SLC35F4: variants seen among roughly 807,000 people sequenced by gnomAD.
SLC35F4 encodes the protein solute carrier family 35 member F4.
In SLC35F4, 24 loss-of-function variants were observed where a neutral mutation model predicts 44.2. That is an observed-to-expected ratio of 0.54 (90% CI 0.39 to 0.76). The LOEUF (loss-of-function observed/expected upper bound fraction) is 0.76, where lower values mean the gene tolerates loss of function less well. Ranked by LOEUF, SLC35F4 falls within the 30% of genes least tolerant of loss-of-function variation. The probability of loss-of-function intolerance (pLI) is 0.00; values close to 1 mark genes in which losing one functional copy is unlikely to be tolerated. For synonymous variants in SLC35F4, 238 were observed against 223.6 expected (o/e 1.06, Z -0.57); for missense variants, 562 against 586.1 (o/e 0.96, Z 0.42).
intron 1 of SLC35F4, among the ~76,000 whole-genome samples, chr14:57,671,648 T>A (rs2140274129): frequency 6.6e-6 from 1 of 151,876 alleles, no homozygotes; most frequent in Admixed American, 6.6e-5. Flanking sequence ...TGAGACTCAG[T>A]ACATAACCAG....
At chr14:57,723,331 G>A (rs886199190) in intron 1 of SLC35F4, among the ~76,000 whole-genome samples, 1 of 152,222 alleles carries the variant, frequency 6.6e-6, no homozygotes, top group East Asian at 1.9e-4. Context: ...AATTAGAGCT[G>A]CCTCTACCTA....
chr14:57,875,823 T>C (rs1000121074), intron 1 of SLC35F4, among the ~76,000 whole-genome samples: 3 of 152,200 alleles, frequency 2.0e-5, no homozygotes, highest in Non-Finnish European at 2.9e-5. Context: ...CAAACAATTG[T>C]GGCCATTCTT....
chr14:57,727,249 A>G (rs1092027), intron 1 of SLC35F4, among the ~76,000 whole-genome samples: 140,855 of 151,912 alleles, frequency 0.93, 65,778 homozygotes, highest in Non-Finnish European at 1. Context: ...AATTTCTGTG[A>G]TATAAGTTGT....
chr14:57,899,595 C>A (rs190773572), intron 1 of SLC35F4, among the ~76,000 whole-genome samples: 1 of 152,246 alleles, frequency 6.6e-6, no homozygotes, highest in Admixed American at 6.5e-5. Context: ...CTGGATTAAG[C>A]GAAAAGAATG....
At chr14:57,615,321 G>A (rs1253828624) in intron 1 of SLC35F4, among the ~76,000 whole-genome samples, 2 of 151,254 alleles carry the variant, frequency 1.3e-5, no homozygotes, top group African/African-American at 4.9e-5. Flanking sequence ...AGATCTAAGT[G>A]AGAATCCCTG....
chr14:57,777,376 C>T (rs563130494), intron 1 of SLC35F4, among the ~76,000 whole-genome samples: 42 of 152,240 alleles, frequency 2.8e-4, no homozygotes, highest in African/African-American at 1.0e-3. Flanking sequence ...TGGAACCAAC[C>T]CAAATGTCCA....
At chr14:57,866,994 AATAATAATT>A (rs1336936806), upstream of SLC35F4, among the ~76,000 whole-genome samples, 14 of 138,564 alleles carry the variant, frequency 1.0e-4, no homozygotes, top group Non-Finnish European at 1.8e-4. Flanking sequence ...TAATAATAAT[AATAATAATT>A]TTCAAAGTTT....
At chr14:57,726,533 T>G (rs976574656) in intron 1 of SLC35F4, among the ~76,000 whole-genome samples, 2 of 152,364 alleles carry the variant, frequency 1.3e-5, no homozygotes, top group Non-Finnish European at 2.9e-5. Flanking sequence ...GACGTAAGAT[T>G]TATTGACTTC....
intron 1 of SLC35F4, among the ~76,000 whole-genome samples, chr14:57,729,612 A>C (rs1092023): frequency 0.94 from 142,888 of 152,180 alleles, 67,476 homozygotes; most frequent in Non-Finnish European, 1. Flanking sequence ...ATCCAAGGGG[A>C]AAGACAAAGT....
At chr14:57,662,446 C>T (rs1008598182) in intron 1 of SLC35F4, among the ~76,000 whole-genome samples, 1 of 152,250 alleles carries the variant, frequency 6.6e-6, no homozygotes, top group East Asian at 1.9e-4. Context: ...ATGCCTTTCT[C>T]GAGAGACTGA....
chr14:57,680,295 T>A (rs2074850666), intron 1 of SLC35F4, among the ~76,000 whole-genome samples: 1 of 152,020 alleles, frequency 6.6e-6, no homozygotes, highest in Non-Finnish European at 1.5e-5. Flanking sequence ...TCAACAGATG[T>A]AGAAAAGGCT....
At chr14:57,899,564 A>G (rs927348748) in intron 1 of SLC35F4, among the ~76,000 whole-genome samples, 2 of 152,248 alleles carry the variant, frequency 1.3e-5, no homozygotes, top group African/African-American at 4.8e-5. Context: ...CTTCAGACGG[A>G]TACAGAATAT....
At chr14:57,743,769 C>T (rs1566815352) in intron 1 of SLC35F4, among the ~76,000 whole-genome samples, 1 of 152,012 alleles carries the variant, frequency 6.6e-6, no homozygotes, top group East Asian at 1.9e-4. Context: ...AAAGACACAA[C>T]AAAAAAACAC....
At chr14:57,982,395 G>A (rs139426760), upstream of SLC35F4, among the ~76,000 whole-genome samples, 70 of 152,294 alleles carry the variant, frequency 4.6e-4, no homozygotes, top group Middle Eastern at 3.4e-3. Context: ...GGACACTGCC[G>A]ACAGGGCTTC....
chr14:57,981,086 C>T (rs1473845247), intron 1 of SLC35F4, among the ~76,000 whole-genome samples: 1 of 152,184 alleles, frequency 6.6e-6, no homozygotes, highest in African/African-American at 2.4e-5. Flanking sequence ...CTTCTGAGCT[C>T]CCTTCCCACA....
intron 1 of SLC35F4, among the ~76,000 whole-genome samples, chr14:57,608,786 C>CGGGG (rs879500828): frequency 2.0e-4 from 3 of 14,650 alleles, no homozygotes; most frequent in East Asian, 8.6e-4. Flanking sequence ...CAAAAGATGG[C>CGGGG]CGGGGGGGGG....
At chr14:57,743,289 GT>G in intron 1 of SLC35F4, among the ~76,000 whole-genome samples, 1 of 152,184 alleles carries the variant, frequency 6.6e-6, no homozygotes, top group African/African-American at 2.4e-5. Flanking sequence ...CCAGGAGCTG[GT>G]TTTTCTGAAA....
At chr14:57,632,842 G>A (rs904270936) in intron 1 of SLC35F4, among the ~76,000 whole-genome samples, 6 of 151,954 alleles carry the variant, frequency 3.9e-5, no homozygotes, top group Non-Finnish European at 8.8e-5. Flanking sequence ...ATCATACAGA[G>A]TACTTTCACT....
intron 1 of SLC35F4, among the ~76,000 whole-genome samples, chr14:57,859,126 G>A (rs1887444560): frequency 6.6e-6 from 1 of 151,756 alleles, no homozygotes; most frequent in African/African-American, 2.4e-5. Context: ...AGGGGGCTTA[G>A]GGGGAGGAAG....
Sources: allele counts gnomAD v4.1 joint callset (sites outside exome capture counted in the v4.1 genomes callset), GRCh38; gene constraint gnomAD v4.1.1; transcripts MANE v1.5; gene names NCBI Gene and HGNC (gene_info 2026-07-23, HGNC 2026-07-21).